NSUN3: variants seen among roughly 807,000 people sequenced by gnomAD.
NSUN3 encodes the protein tRNA (cytosine(34)-C(5))-methyltransferase, mitochondrial.
NSUN3 carries 24 observed loss-of-function variants against 36.8 expected under a neutral mutation model. The observed-to-expected ratio is 0.65, with a 90% CI of 0.47 to 0.92. The LOEUF is 0.92. Ranked by LOEUF, NSUN3 falls within the 40% of genes least tolerant of loss-of-function variation. The pLI, the probability that NSUN3 is intolerant of heterozygous loss-of-function variation, is 0.00. For synonymous variants in NSUN3, 146 were observed against 145.2 expected (o/e 1.01, Z -0.04); for missense variants, 381 against 392.8 (o/e 0.97, Z 0.25).
chr3:94,071,130 C>T (rs1193380268), intron 2 of NSUN3, among the ~76,000 whole-genome samples: 1 of 152,070 alleles, frequency 6.6e-6, no homozygotes, highest in African/African-American at 2.4e-5. Context: ...TATATGGAAA[C>T]AAAAGCTCAT....
At chr3:94,093,946 T>C (rs952855316) in intron 3 of NSUN3, among the ~76,000 whole-genome samples, 194 bp from the exon 4 acceptor site, 21 of 152,246 alleles carry the variant, frequency 1.4e-4, no homozygotes, top group African/African-American at 4.8e-4. Context: ...GTAGTAGGTA[T>C]GTGCATCTAT....
chr3:94,117,459 T>C (rs535734508), intron 5 of NSUN3, among the ~76,000 whole-genome samples: 1 of 152,330 alleles, frequency 6.6e-6, no homozygotes, highest in South Asian at 2.1e-4. Flanking sequence ...AACATTATAT[T>C]CTATTTAATG....
At chr3:94,092,027 G>A (rs1381056825) in intron 3 of NSUN3, among the ~76,000 whole-genome samples, 1 of 152,200 alleles carries the variant, frequency 6.6e-6, no homozygotes, top group Non-Finnish European at 1.5e-5. Context: ...ATGAGTGCCA[G>A]GTGACAAGCA....
At chr3:94,072,383 G>A (rs1409189129) in intron 2 of NSUN3, among the ~76,000 whole-genome samples, 19 of 152,162 alleles carry the variant, frequency 1.2e-4, no homozygotes, top group Non-Finnish European at 2.4e-4. Flanking sequence ...CTCTAAAATA[G>A]GAGTAAGAGC....
In NSUN3 at chr3:94,131,235, T is replaced by TA. The variant is rs544323257; in HGVS notation, c.*4751dup. 6.6e-6 allele frequency among the ~76,000 whole-genome samples: 1 copy of TA among 152,056 alleles called. No individual in the cohort carries two copies. The highest frequency in any genetic ancestry group is 2.4e-5 in the African/African-American group (1 of 41,396). ...GCTCGGCCTCATATATTATTAGTTG[T>TA]AAAAAAGGATGCATGTTTTCCCTCA... On this transcript the variant is annotated 3_prime_UTR_variant, in exon 6 of 6. Coordinates refer to ENST00000314622, the MANE Select transcript of NSUN3 (RefSeq NM_022072.5).
chr3:94,089,510 CAG>C (rs973376938), intron 3 of NSUN3, among the ~76,000 whole-genome samples: 21 of 152,148 alleles, frequency 1.4e-4, no homozygotes, highest in African/African-American at 5.1e-4. Flanking sequence ...GACAAAATGG[CAG>C]AGTGTGACCT....
chr3:94,091,957 G>A (rs2077316776), intron 3 of NSUN3, among the ~76,000 whole-genome samples: 1 of 152,202 alleles, frequency 6.6e-6, no homozygotes, highest in Non-Finnish European at 1.5e-5. Flanking sequence ...AAAGGCTCAT[G>A]CCATTCATGC....
At chr3:94,111,287 CAGTG>C (rs1445439450) in intron 5 of NSUN3, among the ~76,000 whole-genome samples, 3 of 152,116 alleles carry the variant, frequency 2.0e-5, no homozygotes, top group Non-Finnish European at 4.4e-5. Context: ...CTGGGTGAGT[CAGTG>C]AGTGAGTGGT....
chr3:94,094,481 C>A (rs1448891821), intron 4 of NSUN3, among the ~76,000 whole-genome samples, 187 bp downstream of exon 4: 1 of 152,118 alleles, frequency 6.6e-6, no homozygotes, highest in African/African-American at 2.4e-5. Context: ...TCAAAGGAAG[C>A]AGTAACATTG....
chr3:94,091,223 G>A (rs1267445377), intron 3 of NSUN3, among the ~76,000 whole-genome samples: 2 of 152,060 alleles, frequency 1.3e-5, no homozygotes, highest in African/African-American at 4.8e-5. Context: ...TACTTTCAAA[G>A]GAACGATGGA....
intron 5 of NSUN3, among the ~76,000 whole-genome samples, chr3:94,108,412 G>A: frequency 6.6e-6 from 1 of 152,318 alleles, no homozygotes; most frequent in Admixed American, 6.5e-5. Context: ...CCAGGCTGGA[G>A]TGCAGTGGCA....
At position 94,107,974 on chromosome 3, in the gene NSUN3, C is replaced by CTTT. The variant is rs11437686; in HGVS notation, c.743+12835_743+12837dup. Among the ~76,000 whole-genome samples the CTTT allele has an allele frequency of 2.8e-3, 317 of 114,382 alleles. 6 individuals carry two copies. The highest frequency in any genetic ancestry group is 3.7e-3 in the Non-Finnish European group (222 of 59,378). The allele number at this position is 114,382 out of a possible 152,430, so 75.0% of individuals were successfully genotyped here. ...TTGTTAGCAAAAGCTTTTTTTTTTC[C>CTTT]TTTTTTTTTTTTTTTTTCAGATAAA... On this transcript the variant is annotated intron_variant, in intron 5 of 5. Transcript: ENST00000314622.
At chr3:94,122,376 T>C (rs2077467262) in intron 5 of NSUN3, among the ~76,000 whole-genome samples, 1 of 152,104 alleles carries the variant, frequency 6.6e-6, no homozygotes, top group South Asian at 2.1e-4. Flanking sequence ...TGATTTTGGT[T>C]CCTAATTCAT....
intron 5 of NSUN3, among the ~76,000 whole-genome samples, chr3:94,109,971 A>T (rs947105328): frequency 3.9e-5 from 6 of 152,208 alleles, no homozygotes; most frequent in African/African-American, 1.2e-4. Flanking sequence ...TCTCAAACTT[A>T]AAAAGGTAAT....
At chr3:94,073,010 G>T (rs1205384364) in intron 2 of NSUN3, among the ~76,000 whole-genome samples, 2 of 152,052 alleles carry the variant, frequency 1.3e-5, no homozygotes, top group South Asian at 4.1e-4. Flanking sequence ...GTGTCCATGT[G>T]TTCTCATTGT....
At chr3:94,064,674 A>G in intron 2 of NSUN3, 128 bp downstream of exon 2, 1 of 576,766 alleles carries the variant, frequency 1.7e-6, no homozygotes, top group Non-Finnish European at 3.1e-6. Flanking sequence ...TTCCTACTGA[A>G]GCTATAGAAA....
intron 2 of NSUN3, among the ~76,000 whole-genome samples, chr3:94,067,473 T>A (rs1249083893): frequency 5.3e-5 from 8 of 152,190 alleles, no homozygotes; most frequent in Admixed American, 5.2e-4. Flanking sequence ...GTAATTGGTG[T>A]CAGAAGTGAG....
intron 2 of NSUN3, among the ~76,000 whole-genome samples, chr3:94,065,009 C>T (rs547624203): frequency 3.1e-4 from 47 of 151,994 alleles, no homozygotes; most frequent in Middle Eastern, 3.4e-3. Flanking sequence ...ATTTTGAACA[C>T]GTGCATATAC....
chr3:94,111,643 T>C (rs2077418214), intron 5 of NSUN3, among the ~76,000 whole-genome samples: 1 of 152,144 alleles, frequency 6.6e-6, no homozygotes. Context: ...ACACATACTT[T>C]AGCCTAGGCC....
Sources: gnomAD v4.1 joint callset for allele counts (sites outside exome capture counted in the v4.1 genomes callset) on GRCh38, gnomAD v4.1.1 for gene constraint, MANE v1.5 for transcripts, NCBI Gene and HGNC (gene_info 2026-07-23, HGNC 2026-07-21) for gene names.